Variants in NBAS observed in about 807,000 individuals in gnomAD.
NBAS encodes NAG/BC035112 fusion.
Under a neutral mutation model 302.5 loss-of-function variants are expected in NBAS, and 219 were observed. The observed-to-expected ratio is 0.72, with a 90% CI of 0.65 to 0.81. The LOEUF (loss-of-function observed/expected upper bound fraction) is 0.81, where lower values mean the gene tolerates loss of function less well. Among genes scored for constraint, NBAS ranks in the 30% least tolerant of loss-of-function variants. The pLI is 0.00. For synonymous variants in NBAS, 1,118 were observed against 1,021.6 expected (o/e 1.09, Z -1.80); for missense variants, 2,932 against 2,841.6 (o/e 1.03, Z -0.72).
intron 25 of NBAS, 132 bp downstream of exon 25, chr2:15,415,414 A>C: frequency 1.2e-6 from 1 of 836,320 alleles, no homozygotes; most frequent in Admixed American, 2.4e-5. Flanking sequence ...TTTAAACAAT[A>C]AAATGACAAT....
chr2:15,425,073 C>G (rs527620126), intron 22 of NBAS, among the ~76,000 whole-genome samples: 5 of 151,988 alleles, frequency 3.3e-5, no homozygotes, highest in Non-Finnish European at 7.4e-5. Flanking sequence ...TTTGGAGGAA[C>G]ACACACAGGG....
intron 16 of NBAS, among the ~76,000 whole-genome samples, chr2:15,470,358 A>C (rs1392674854): frequency 6.6e-6 from 1 of 152,118 alleles, no homozygotes; most frequent in African/African-American, 2.4e-5. Context: ...ATCCTCCTGA[A>C]CTCAAATCAA....
chr2:15,292,117 G>A (rs956422069), intron 41 of NBAS, among the ~76,000 whole-genome samples: 2 of 152,218 alleles, frequency 1.3e-5, no homozygotes, highest in East Asian at 3.9e-4. Context: ...TGGGATTACA[G>A]GCATATGCTA....
At chr2:15,028,687 C>T in the NBAS span, among the ~76,000 whole-genome samples, 4 of 152,118 alleles carry the variant, frequency 2.6e-5, no homozygotes, top group Non-Finnish European at 4.4e-5. Context: ...TTTGGATCTT[C>T]GAGATTTCCC....
At chr2:15,153,498 T>A in the NBAS span, among the ~76,000 whole-genome samples, 1 of 152,238 alleles carries the variant, frequency 6.6e-6, no homozygotes, top group African/African-American at 2.4e-5. Flanking sequence ...TGCAATGACA[T>A]TCTCTGAGAG....
the NBAS span, among the ~76,000 whole-genome samples, chr2:15,114,533 C>A: frequency 6.6e-6 from 1 of 152,150 alleles, no homozygotes; most frequent in Non-Finnish European, 1.5e-5. Flanking sequence ...TATGGTGACG[C>A]AGTTCAACCC....
the NBAS span, among the ~76,000 whole-genome samples, chr2:14,969,470 G>A: frequency 6.6e-6 from 1 of 152,064 alleles, no homozygotes; most frequent in South Asian, 2.1e-4. Context: ...TCTGCCTCCC[G>A]GGTTCAAGCG....
chr2:15,214,678 A>G (rs1666574146), intron 48 of NBAS, among the ~76,000 whole-genome samples: 1 of 152,232 alleles, frequency 6.6e-6, no homozygotes, highest in Non-Finnish European at 1.5e-5. Flanking sequence ...TTAAGGTAAC[A>G]GTAAATTACT....
intron 35 of NBAS, among the ~76,000 whole-genome samples, chr2:15,336,699 G>A (rs544730626): frequency 6.6e-6 from 1 of 151,882 alleles, no homozygotes; most frequent in East Asian, 1.9e-4. Flanking sequence ...CAATGCACTC[G>A]AGTCTGGGCG....
the NBAS span, among the ~76,000 whole-genome samples, chr2:15,143,196 T>C: frequency 1.3e-5 from 2 of 152,200 alleles, no homozygotes; most frequent in Non-Finnish European, 2.9e-5. Flanking sequence ...TACAATTCTT[T>C]ATCTCACTTA....
intron 3 of NBAS, 143 bp from the exon 4 acceptor site, chr2:15,554,281 C>T (rs932165271): frequency 1.4e-6 from 1 of 736,062 alleles, no homozygotes; most frequent in African/African-American, 1.8e-5. Context: ...AACCCAAAAC[C>T]CAAAGTTACT....
the NBAS span, among the ~76,000 whole-genome samples, chr2:14,818,791 A>G: frequency 1.3e-5 from 2 of 152,230 alleles, no homozygotes; most frequent in Non-Finnish European, 2.9e-5. Context: ...TGGAGATGAC[A>G]CCAGGAAGGA....
At chr2:14,843,988 C>A in the NBAS span, among the ~76,000 whole-genome samples, 2 of 152,268 alleles carry the variant, frequency 1.3e-5, no homozygotes, top group East Asian at 3.9e-4. Flanking sequence ...ACTGCAACTT[C>A]TGTGTGAGTC....
chr2:14,863,447 C>T, the NBAS span, among the ~76,000 whole-genome samples: 35 of 152,144 alleles, frequency 2.3e-4, no homozygotes, highest in South Asian at 4.6e-3. Context: ...GGGGAGATCA[C>T]GAGATCCATT....
the NBAS span, among the ~76,000 whole-genome samples, chr2:14,923,557 G>T: frequency 6.6e-6 from 1 of 152,178 alleles, no homozygotes; most frequent in East Asian, 1.9e-4. Flanking sequence ...AGCTTACTCT[G>T]CAATGGGAAA....
the NBAS span, among the ~76,000 whole-genome samples, chr2:15,034,257 AAAG>A: frequency 1.0e-5 from 1 of 97,268 alleles, no homozygotes; most frequent in Admixed American, 1.0e-4. Flanking sequence ...AGAAAGAAAG[AAAG>A]AAAGAAAGAA....
chr2:14,788,920 G>A, the NBAS span, among the ~76,000 whole-genome samples: 72 of 152,316 alleles, frequency 4.7e-4, no homozygotes, highest in African/African-American at 1.7e-3. Flanking sequence ...GTTTGTCTGT[G>A]CCCTGCCCCC....
At chr2:15,231,187 C>A (rs960442628) in intron 47 of NBAS, among the ~76,000 whole-genome samples, 2 of 152,198 alleles carry the variant, frequency 1.3e-5, no homozygotes, top group African/African-American at 4.8e-5. Flanking sequence ...TCATTAATTT[C>A]TTTTTAAAAT....
chr2:15,548,049 T>C (rs1664199638), intron 6 of NBAS, among the ~76,000 whole-genome samples: 1 of 152,188 alleles, frequency 6.6e-6, no homozygotes, highest in Non-Finnish European at 1.5e-5. Context: ...TGGATCTCTA[T>C]AATATGTATA....
Sources: allele counts gnomAD v4.1 joint callset (sites outside exome capture counted in the v4.1 genomes callset), GRCh38; gene constraint gnomAD v4.1.1; transcripts MANE v1.5; gene names NCBI Gene and HGNC (gene_info 2026-07-23, HGNC 2026-07-21).